Variants in LIPA observed in about 807,000 individuals in gnomAD.
LIPA encodes the protein lysosomal acid lipase/cholesteryl ester hydrolase.
Under a neutral mutation model 40.6 loss-of-function variants are expected in LIPA, and 26 were observed. That is an observed-to-expected ratio of 0.64 (90% CI 0.47 to 0.89). LIPA has a LOEUF of 0.89. LIPA is among the 40% of genes least tolerant of loss of function. LIPA has a pLI of 0.00. For synonymous variants in LIPA, 188 were observed against 168.4 expected (o/e 1.12, Z -0.90); for missense variants, 455 against 479.6 (o/e 0.95, Z 0.48).
intron 1 of LIPA, among the ~76,000 whole-genome samples, chr10:89,283,185 A>G (rs1012446399): frequency 5.9e-5 from 9 of 152,230 alleles, no homozygotes; most frequent in Admixed American, 3.9e-4. Flanking sequence ...GTTTTGGCCA[A>G]TCAAAGGTGG....
chr10:89,258,961 C>G (rs1473941704), intron 1 of LIPA, among the ~76,000 whole-genome samples: 1 of 152,080 alleles, frequency 6.6e-6, no homozygotes, highest in Non-Finnish European at 1.5e-5. Flanking sequence ...CAAAAAAGAC[C>G]CTTCCACTTG....
intron 1 of LIPA, among the ~76,000 whole-genome samples, chr10:89,341,752 G>C (rs1007466538): frequency 3.9e-5 from 6 of 152,202 alleles, no homozygotes; most frequent in Non-Finnish European, 7.3e-5. Context: ...AACCCATAAA[G>C]AGTTGCCCTC....
intron 1 of LIPA, among the ~76,000 whole-genome samples, chr10:89,319,370 T>A (rs957910265): frequency 6.6e-6 from 1 of 152,136 alleles, no homozygotes; most frequent in Non-Finnish European, 1.5e-5. Context: ...TTAAAAATGA[T>A]AAAGGGGATA....
At chr10:89,224,821 A>G (rs1040549492) in intron 6 of LIPA, among the ~76,000 whole-genome samples, 5 of 152,200 alleles carry the variant, frequency 3.3e-5, no homozygotes, top group African/African-American at 7.2e-5. Context: ...ATTTTCTCCC[A>G]GACTCTCCTT....
intron 1 of LIPA, among the ~76,000 whole-genome samples, chr10:89,300,139 C>T (rs934066938): frequency 1.3e-5 from 2 of 152,024 alleles, no homozygotes; most frequent in African/African-American, 4.8e-5. Context: ...GAACTGGAGA[C>T]CATTATGTTA....
intron 2 of LIPA, among the ~76,000 whole-genome samples, chr10:89,374,642 G>A (rs988608428): frequency 1.3e-5 from 2 of 152,164 alleles, no homozygotes; most frequent in Non-Finnish European, 2.9e-5. Flanking sequence ...ATTTGCTTAT[G>A]TTTCTATCCC....
chr10:89,407,804 G>T (rs1035701287), intron 2 of LIPA, among the ~76,000 whole-genome samples: 1 of 152,188 alleles, frequency 6.6e-6, no homozygotes, highest in African/African-American at 2.4e-5. Flanking sequence ...TTGTGGTCTA[G>T]GAGGACAGGC....
intron 1 of LIPA, among the ~76,000 whole-genome samples, chr10:89,329,201 C>A (rs1340428817): frequency 6.6e-6 from 1 of 152,126 alleles, no homozygotes; most frequent in Non-Finnish European, 1.5e-5. Context: ...GGATTCCCTA[C>A]CTTACTCTGC....
At chr10:89,360,518 A>G (rs1052761402) in intron 2 of LIPA, among the ~76,000 whole-genome samples, 1 of 152,214 alleles carries the variant, frequency 6.6e-6, no homozygotes, top group Non-Finnish European at 1.5e-5. Flanking sequence ...CACCATAGAG[A>G]CTAGAAGTGG....
intron 2 of LIPA, among the ~76,000 whole-genome samples, chr10:89,400,673 G>T (rs1474737641): frequency 6.6e-6 from 1 of 152,092 alleles, no homozygotes; most frequent in Non-Finnish European, 1.5e-5. Flanking sequence ...AGAATCCTTA[G>T]AATTTTCTAC....
At chr10:89,361,542 T>C (rs1433368811) in intron 2 of LIPA, among the ~76,000 whole-genome samples, 1 of 152,212 alleles carries the variant, frequency 6.6e-6, no homozygotes, top group Non-Finnish European at 1.5e-5. Flanking sequence ...TCATCTGCTA[T>C]GGCATCCTGA....
intron 1 of LIPA, among the ~76,000 whole-genome samples, chr10:89,310,433 A>G (rs1843509191): frequency 6.6e-6 from 1 of 152,140 alleles, no homozygotes; most frequent in African/African-American, 2.4e-5. Context: ...GATCCCTACC[A>G]TACGTGCAAT....
chr10:89,400,748 T>G (rs1279335669), intron 2 of LIPA, among the ~76,000 whole-genome samples: 1 of 152,238 alleles, frequency 6.6e-6, no homozygotes, highest in Non-Finnish European at 1.5e-5. Flanking sequence ...TTGGATGTCT[T>G]GTATTTCTTT....
chr10:89,339,939 T>C (rs776829062), intron 1 of LIPA: 24 of 1,614,016 alleles, frequency 1.5e-5, no homozygotes, highest in Non-Finnish European at 1.9e-5. Context: ...ATAAGCAGAA[T>C]GGAGATCTGC....
intron 2 of LIPA, among the ~76,000 whole-genome samples, chr10:89,399,888 A>T (rs1238320966): frequency 6.6e-6 from 1 of 152,220 alleles, no homozygotes; most frequent in East Asian, 1.9e-4. Context: ...TGTGCCACTG[A>T]GGAAAGGCCA....
At chr10:89,302,797 T>C (rs1843453614) in intron 1 of LIPA, among the ~76,000 whole-genome samples, 1 of 152,090 alleles carries the variant, frequency 6.6e-6, no homozygotes, top group Non-Finnish European at 1.5e-5. Flanking sequence ...AAGTGTTAGC[T>C]CATTGAATAG....
At position 89,223,859 on chromosome 10, in the gene LIPA, T is replaced by A. The variant is rs371204769; in HGVS notation, c.676-29A>T. On this transcript the variant is annotated intron_variant, in intron 6 of 9. Transcript: ENST00000336233. Reference sequence around the variant, plus strand: ...CAAAATAAAAAGAAACCCAAGAACATCTCAGCATTTCACTCTGGTGCATAA... The same window carrying A: ...CAAAATAAAAAGAAACCCAAGAACAACTCAGCATTTCACTCTGGTGCATAA... 7.5e-5 allele frequency: 121 copies of A among 1,611,672 alleles called. 2 individuals are homozygous for A. The highest frequency in any genetic ancestry group is 3.3e-4 in the Middle Eastern group (2 of 6,080).
At chr10:89,317,575 C>A (rs1180499860) in intron 1 of LIPA, among the ~76,000 whole-genome samples, 2 of 152,086 alleles carry the variant, frequency 1.3e-5, no homozygotes, top group Non-Finnish European at 2.9e-5. Context: ...TGTGAAAAGA[C>A]CAAACATACA....
At chr10:89,297,602 C>A (rs931855637) in intron 1 of LIPA, among the ~76,000 whole-genome samples, 2 of 152,174 alleles carry the variant, frequency 1.3e-5, no homozygotes, top group Non-Finnish European at 2.9e-5. Flanking sequence ...AAAAGACAGC[C>A]CCTGATACAA....
Sources: gnomAD v4.1 joint callset for allele counts (sites outside exome capture counted in the v4.1 genomes callset) on GRCh38, gnomAD v4.1.1 for gene constraint, MANE v1.5 for transcripts, NCBI Gene and HGNC (gene_info 2026-07-23, HGNC 2026-07-21) for gene names.